The following PRRX1 variants were observed in gnomAD, a reference collection of about 807,000 sequenced individuals.
PRRX1 encodes paired related homeobox 1.
Under a neutral mutation model 24.0 loss-of-function variants are expected in PRRX1, and 8 were observed. That is an observed-to-expected ratio of 0.33 (90% CI 0.20 to 0.60). PRRX1 has a LOEUF of 0.60. Ranked by LOEUF, PRRX1 falls within the 20% of genes least tolerant of loss-of-function variation. The pLI, the probability that PRRX1 is intolerant of heterozygous loss-of-function variation, is 0.82. For synonymous variants in PRRX1, 160 were observed against 131.7 expected (o/e 1.22, Z -1.47); for missense variants, 281 against 322.4 (o/e 0.87, Z 0.98).
At chr1:170,672,556 T>A (rs921773569) in intron 1 of PRRX1, among the ~76,000 whole-genome samples, 2 of 152,196 alleles carry the variant, frequency 1.3e-5, no homozygotes, top group Non-Finnish European at 2.9e-5. Flanking sequence ...TAGTTATAAA[T>A]AAGCATAAAA....
chr1:170,719,285 G>C (rs1655005905), intron 1 of PRRX1, among the ~76,000 whole-genome samples: 1 of 152,240 alleles, frequency 6.6e-6, no homozygotes, highest in Non-Finnish European at 1.5e-5. Context: ...TATGTTAGGA[G>C]AGAAGGAACC....
At chr1:170,710,185 A>G (rs1231161730) in intron 1 of PRRX1, among the ~76,000 whole-genome samples, 1 of 152,166 alleles carries the variant, frequency 6.6e-6, no homozygotes, top group Non-Finnish European at 1.5e-5. Context: ...CTTTTTCTCA[A>G]AAAAGTAAAA....
rs1394319673 is a variant in PRRX1, at chr1:170,692,760, C to CACACACAG, written c.242-26963_242-26962insCACAGACA. ...TCTCTCTCACACACACACACACACA[C>CACACACAG]ACAGACACACGTGCACACGCACATG... On this transcript the variant is annotated intron_variant, in intron 1 of 3. Transcript: ENST00000239461. Among the ~76,000 whole-genome samples the CACACACAG allele has an allele frequency of 3.6e-3, 554 of 151,872 alleles. 5 individuals carry two copies. The highest frequency in any genetic ancestry group is 0.012 in the African/African-American group (502 of 41,396).
At chr1:170,702,133 T>G (rs766392456) in intron 1 of PRRX1, among the ~76,000 whole-genome samples, 2 of 152,188 alleles carry the variant, frequency 1.3e-5, no homozygotes, top group Non-Finnish European at 2.9e-5. Flanking sequence ...ACAATAGGGT[T>G]TCTACTCGTA....
intron 1 of PRRX1, among the ~76,000 whole-genome samples, chr1:170,688,730 T>A (rs1571323568): frequency 6.6e-6 from 1 of 152,138 alleles, no homozygotes; most frequent in East Asian, 1.9e-4. Context: ...TGTACTGATT[T>A]TTGCACCCAT....
intron 1 of PRRX1, among the ~76,000 whole-genome samples, chr1:170,689,814 GT>G (rs1653868341): frequency 1.8e-5 from 2 of 108,118 alleles, no homozygotes; most frequent in South Asian, 3.2e-4. Context: ...TTAATATTCC[GT>G]CTCTCTCTCT....
At chr1:170,690,091 T>C (rs1478621662) in intron 1 of PRRX1, among the ~76,000 whole-genome samples, 1 of 151,118 alleles carries the variant, frequency 6.6e-6, no homozygotes, top group South Asian at 2.1e-4. Flanking sequence ...TTGGTTAGCA[T>C]TTCACTGTAT....
At chr1:170,708,006 G>A (rs1209512139) in intron 1 of PRRX1, among the ~76,000 whole-genome samples, 1 of 152,136 alleles carries the variant, frequency 6.6e-6, no homozygotes, top group African/African-American at 2.4e-5. Flanking sequence ...CCTTAACCTT[G>A]ATTATCTTCC....
At chr1:170,704,042 G>C (rs1041817953) in intron 1 of PRRX1, among the ~76,000 whole-genome samples, 2 of 152,104 alleles carry the variant, frequency 1.3e-5, no homozygotes, top group Non-Finnish European at 2.9e-5. Flanking sequence ...CTTACCCACT[G>C]ACCATTTTTA....
At chr1:170,712,981 A>T (rs765264629) in intron 1 of PRRX1, among the ~76,000 whole-genome samples, 6 of 152,234 alleles carry the variant, frequency 3.9e-5, no homozygotes, top group Admixed American at 6.5e-5. Flanking sequence ...GAGGTAGCTT[A>T]CATATCTGAA....
intron 1 of PRRX1, among the ~76,000 whole-genome samples, chr1:170,678,167 A>G (rs1653385565): frequency 6.6e-6 from 1 of 152,238 alleles, no homozygotes; most frequent in African/African-American, 2.4e-5. Context: ...CCAGTTGAGT[A>G]AGATACACAT....
chr1:170,707,629 T>G (rs1486892357), intron 1 of PRRX1, among the ~76,000 whole-genome samples: 1 of 152,224 alleles, frequency 6.6e-6, no homozygotes, highest in Non-Finnish European at 1.5e-5. Flanking sequence ...ATGCTTTATT[T>G]TAAAGGTGCT....
Position 170,738,831 on chromosome 1 carries a change from T to A in PRRX1, c.*2645T>A. 4.4e-6 allele frequency: 1 copy of A among 228,810 alleles called. No homozygotes were observed. The highest frequency in any genetic ancestry group is 5.7e-5 in the Admixed American group (1 of 17,620). 14.2% of individuals were successfully genotyped at this position (228,810 alleles called of 1,614,324 possible). A position where few individuals can be genotyped will look rare whatever the true frequency, so the allele number is the denominator to read the frequency against. ...CCATAAACCCAAATGATAGGTGAAG[T>A]TGGGTGGTTTTATCCAATGTCTCAA... is the stretch of plus-strand genomic sequence containing the variant. On this transcript the variant is annotated 3_prime_UTR_variant, in exon 4 of 4. Transcript: ENST00000239461.
intron 1 of PRRX1, among the ~76,000 whole-genome samples, chr1:170,710,340 A>T (rs955424193): frequency 2.0e-5 from 3 of 152,336 alleles, no homozygotes; most frequent in African/African-American, 7.2e-5. Context: ...TTTGAAACAG[A>T]TCTTAGTCCC....
intron 1 of PRRX1, among the ~76,000 whole-genome samples, chr1:170,688,438 T>C (rs1653818469): frequency 6.6e-6 from 1 of 152,108 alleles, no homozygotes; most frequent in Admixed American, 6.6e-5. Flanking sequence ...GATAGCTTTG[T>C]CCGGTATGTT....
intron 1 of PRRX1, among the ~76,000 whole-genome samples, chr1:170,704,253 GGCCTATATAAAC>G (rs1350031586): frequency 6.6e-6 from 1 of 152,094 alleles, no homozygotes; most frequent in Non-Finnish European, 1.5e-5. Context: ...TTGAAAGAAA[GGCCTATATAAAC>G]GCAACCTCTC....
chr1:170,722,083 T>C (rs945156957), intron 2 of PRRX1, among the ~76,000 whole-genome samples: 1 of 152,198 alleles, frequency 6.6e-6, no homozygotes, highest in Non-Finnish European at 1.5e-5. Context: ...TTATTTCTCT[T>C]TTCCCACCTT....
At chr1:170,665,107 C>T (rs1055601315) in intron 1 of PRRX1, among the ~76,000 whole-genome samples, 5 of 152,200 alleles carry the variant, frequency 3.3e-5, no homozygotes, top group Middle Eastern at 3.2e-3. Context: ...GAGTCAAAAG[C>T]CCGGCTGGCT....
intron 1 of PRRX1, among the ~76,000 whole-genome samples, chr1:170,714,644 A>T (rs748813465): frequency 2.0e-5 from 3 of 152,196 alleles, no homozygotes; most frequent in Non-Finnish European, 2.9e-5. Flanking sequence ...AGAGCAGAAG[A>T]GGGTGAGGGG....
Sources: gnomAD v4.1 joint callset for allele counts (sites outside exome capture counted in the v4.1 genomes callset) on GRCh38, gnomAD v4.1.1 for gene constraint, MANE v1.5 for transcripts, NCBI Gene and HGNC (gene_info 2026-07-23, HGNC 2026-07-21) for gene names.